SKI: variants seen among roughly 807,000 people sequenced by gnomAD.
SKI encodes the protein SKI proto-oncogene.
Under a neutral mutation model 59.3 loss-of-function variants are expected in SKI, and 23 were observed. The observed-to-expected ratio is 0.39, with a 90% CI of 0.28 to 0.55. The LOEUF (loss-of-function observed/expected upper bound fraction) is 0.55, where lower values mean the gene tolerates loss of function less well. SKI is among the 20% of genes least tolerant of loss of function. The pLI is 0.67. For missense variants in SKI, 1,017 were observed against 1,038.9 expected, an observed-to-expected ratio of 0.98 and a Z score of 0.29; for synonymous variants, 673 against 488.6, an observed-to-expected ratio of 1.38 and a Z score of -4.98.
chr1:2,306,110 C>A lies in SKI; in HGVS notation c.1858C>A (p.Arg620Ser). 6.3e-7 allele frequency: 1 copy of A among 1,599,382 alleles called. No individual in the cohort carries two copies. The highest frequency in any genetic ancestry group is 2.3e-5 in the East Asian group (1 of 44,274). ...RNLRKEIERL[R>S]AENEKKMKEA... ...CCTGCGGAAGGAGATCGAGCGTCTC[C>A]GCGCCGAGAACGAGAAGAAGATGAA... The change falls in exon 6 of 7, where the codon CGC (arginine) becomes AGC (serine). Residue 620 changes from arginine (R) to serine (S), a missense_variant. By Grantham distance (110) the Arg-to-Ser change is moderately radical. Coordinates refer to ENST00000378536, the MANE Select transcript of SKI (RefSeq NM_003036.4).
rs1638570161 is a variant in SKI at position 2,229,045 on chromosome 1, G to A, written c.279G>A (p.Pro93=). 1 of 1,603,720 alleles carries A rather than the reference G, an allele frequency of 6.2e-7. No homozygotes were observed. The highest frequency in any genetic ancestry group is 8.5e-7 in the Non-Finnish European group (1 of 1,179,316). The part of the protein sequence containing the change: ...PPVLPGPFFM[P]SDRSTERCET... ...TGCTGCCCGGGCCCTTCTTCATGCC[G>A]TCCGACCGCTCCACCGAGCGCTGCG... Residue 93 remains proline, a synonymous_variant, in exon 1 of 7, where the codon CCG becomes CCA. Transcript: ENST00000378536. This position sits in a 1 kb window ranked among gnomAD's most constrained non-coding sequence, Gnocchi z 6.3.
intron 1 of SKI, among the ~76,000 whole-genome samples, chr1:2,231,358 G>A (rs531533148): frequency 9.8e-4 from 150 of 152,310 alleles, no homozygotes; most frequent in African/African-American, 3.5e-3. Context: ...GTGTGTCTGC[G>A]TTTGTTTTTG....
chr1:2,229,135 G>A lies in SKI; in HGVS notation c.369G>A (p.Leu123=). Residue 123 remains leucine, a synonymous_variant, in exon 1 of 7, where the codon CTG becomes CTA. Transcript: ENST00000378536. This position sits in a 1 kb window ranked among gnomAD's most constrained non-coding sequence, Gnocchi z 6.3. Reference sequence around the variant, plus strand: ...TGGGAGGCGAGAAGCGCCTGTGTCTGCCGCAGATTCTCAACTCGGTGCTGC... The same window carrying A: ...TGGGAGGCGAGAAGCGCCTGTGTCTACCGCAGATTCTCAACTCGGTGCTGC... ...FVVGGEKRLC[L]PQILNSVLRD... 6.2e-7 allele frequency: 1 copy of A among 1,611,438 alleles called. No individual in the cohort carries two copies. The highest frequency in any genetic ancestry group is 2.2e-5 in the East Asian group (1 of 44,858).
intron 1 of SKI, among the ~76,000 whole-genome samples, chr1:2,287,616 G>A (rs1296000988): frequency 1.3e-5 from 2 of 152,218 alleles, no homozygotes; most frequent in Non-Finnish European, 2.9e-5. Flanking sequence ...TGCTCTGCCT[G>A]TGGGTGGGGG....
chr1:2,270,188 G>A lies in SKI; in HGVS notation c.970-32790G>A, dbSNP rs910837406. Among the ~76,000 whole-genome samples, 1 of 152,218 alleles carries A rather than the reference G, an allele frequency of 6.6e-6. No homozygotes were observed. The highest frequency in any genetic ancestry group is 2.4e-5 in the African/African-American group (1 of 41,458). On this transcript the variant is annotated intron_variant, in intron 1 of 6. Coordinates refer to ENST00000378536, the MANE Select transcript of SKI (RefSeq NM_003036.4). The surrounding 1 kb of genome is among the most constrained non-coding windows in gnomAD (Gnocchi z 4.1). ...ACCTTGCTGCAAGAGAGGGACAGAG[G>A]TCATCTGTCTACGAGCTAGAGCAAG...
In SKI at chr1:2,308,505, GGTAGAT is replaced by G. The variant is rs746027892; in HGVS notation, c.*1741_*1746del. 1.3e-5 allele frequency: 2 copies of G among 152,218 alleles called. No homozygotes were observed. The highest frequency in any genetic ancestry group is 4.8e-5 in the African/African-American group (2 of 41,438). The allele number at this position is 152,218 out of a possible 1,614,324, so 9.4% of individuals were successfully genotyped here. On this transcript the variant is annotated 3_prime_UTR_variant, in exon 7 of 7. Transcript: ENST00000378536. ...GCATGGATTCCACACCTCTGCCGTAGGTAGATCCGTCAGCGGGCATTATTACCGTGT... is the reference window on the plus strand; with the variant it reads ...GCATGGATTCCACACCTCTGCCGTAGCCGTCAGCGGGCATTATTACCGTGT...
At chr1:2,306,380 GC>G (rs1053806138) in intron 6 of SKI, 130 bp downstream of exon 6, 34 of 1,038,602 alleles carry the variant, frequency 3.3e-5, no homozygotes, top group Non-Finnish European at 4.1e-5. Flanking sequence ...TTCCGTGCGT[GC>G]CCCCCCGACG....
chr1:2,305,939 G>A (rs550414096), intron 5 of SKI, 81 bp from the exon 6 acceptor site: 1 of 1,092,808 alleles, frequency 9.2e-7, no homozygotes, highest in Admixed American at 2.0e-5. Context: ...ACCCCACGGG[G>A]TGGGCTGAGG....
At position 2,303,668 on chromosome 1, in the gene SKI, C is replaced by CTG. The variant is rs1640484084; in HGVS notation, c.1212-172_1212-171insTG. On this transcript the variant is annotated intron_variant, in intron 3 of 6. Transcript: ENST00000378536. The surrounding 1 kb of genome is among the most constrained non-coding windows in gnomAD (Gnocchi z 5.6). ...CCTGTGTCTGGCCTTCGCAAGAGAC[C>CTG]CAGCAAGCAGAAAACGCTTACGGGT... 6 of 934,540 alleles carry CTG rather than the reference C, an allele frequency of 6.4e-6. No homozygotes were observed. In the East Asian group the frequency reaches 1.6e-4, roughly 25 times the overall value. 57.9% of individuals were successfully genotyped at this position (934,540 alleles called of 1,614,324 possible).
In SKI at chr1:2,307,600, CG is replaced by C. The variant is rs1640627993; in HGVS notation, c.*838del. On this transcript the variant is annotated 3_prime_UTR_variant, in exon 7 of 7. Coordinates refer to ENST00000378536, the MANE Select transcript of SKI (RefSeq NM_003036.4). ...CCTCCGGGCACACGTGCCGCCTGAC[CG>C]GGCGACCCTTTTCAGTTCGGCAAAC... The C allele has an allele frequency of 6.6e-6, 1 of 152,516 alleles. No individual in the cohort carries two copies. The highest frequency in any genetic ancestry group is 1.5e-5 in the Non-Finnish European group (1 of 68,052). The allele number at this position is 152,516 out of a possible 1,614,324, so 9.4% of individuals were successfully genotyped here.
At chr1:2,249,316 G>C (rs1390561563) in intron 1 of SKI, among the ~76,000 whole-genome samples, 1 of 152,242 alleles carries the variant, frequency 6.6e-6, no homozygotes, top group African/African-American at 2.4e-5. Flanking sequence ...AGGGTCCAGC[G>C]TGCAGGCCGG....
At chr1:2,300,046 A>T (rs1225562401) in intron 1 of SKI, among the ~76,000 whole-genome samples, 1 of 152,170 alleles carries the variant, frequency 6.6e-6, no homozygotes, top group Non-Finnish European at 1.5e-5. Flanking sequence ...TAGGGTGTCC[A>T]CAGTCTTGGG....
In SKI at chr1:2,304,591, C is replaced by T. The variant is rs780191562; in HGVS notation, c.1767+6C>T. The T allele has an allele frequency of 1.2e-5, 18 of 1,546,060 alleles. No individual in the cohort carries two copies. The highest frequency in any genetic ancestry group is 1.7e-4 in the Middle Eastern group (1 of 5,832). ...CCAAGCGCAGCCTCCACCAGGTGAGCGGGGCGAGTGGTGCTGGGAGGTCCA... is the reference window on the plus strand; with the variant it reads ...CCAAGCGCAGCCTCCACCAGGTGAGTGGGGCGAGTGGTGCTGGGAGGTCCA... On this transcript the variant is annotated splice_donor_region_variant and intron_variant, in intron 5 of 6. Coordinates refer to ENST00000378536, the MANE Select transcript of SKI (RefSeq NM_003036.4).
At position 2,309,476 on chromosome 1, in the gene SKI, C is replaced by T. The variant is rs562464926; in HGVS notation, c.*2711C>T. The stretch of plus-strand genomic sequence containing the variant: ...CTGTAAATACTTTTTCCTTTTTCAC[C>T]GTTGTATTATACATGTATATGCTGG... On this transcript the variant is annotated 3_prime_UTR_variant, in exon 7 of 7. Coordinates refer to ENST00000378536, the MANE Select transcript of SKI (RefSeq NM_003036.4). The T allele has an allele frequency of 1.7e-4, 26 of 152,174 alleles. No individual in the cohort carries two copies. Among genetic ancestry groups the T allele is most frequent in the African/African-American group, 5.8e-4 (24 of 41,500 alleles). The allele number at this position is 152,174 out of a possible 1,614,324, so 9.4% of individuals were successfully genotyped here.
intron 1 of SKI, among the ~76,000 whole-genome samples, chr1:2,283,765 C>G (rs563974159): frequency 6.6e-6 from 1 of 152,198 alleles, no homozygotes; most frequent in Non-Finnish European, 1.5e-5. Context: ...CGAAGCTGCC[C>G]CAAGGGTACG....
intron 1 of SKI, among the ~76,000 whole-genome samples, chr1:2,252,129 G>C (rs533484142): frequency 6.6e-6 from 1 of 152,360 alleles, no homozygotes; most frequent in South Asian, 2.1e-4. Context: ...AGGAGGAACC[G>C]AGGGCAGGTA....
intron 1 of SKI, among the ~76,000 whole-genome samples, chr1:2,284,734 C>G (rs1639996367): frequency 6.6e-6 from 1 of 152,124 alleles, no homozygotes; most frequent in Admixed American, 6.5e-5. Context: ...GGGCTCCAGG[C>G]AGGGAAGAGT....
rs1639590493 is a variant in SKI, at chr1:2,270,371, C to G, written c.970-32607C>G. On this transcript the variant is annotated intron_variant, in intron 1 of 6. Transcript: ENST00000378536. This position sits in a 1 kb window ranked among gnomAD's most constrained non-coding sequence, Gnocchi z 4.1. ...GAGGCAGCCGTTGGACAGTGCCCAT[C>G]TTGAATGCAGCCCTGGTGACCTGAA... is the stretch of plus-strand genomic sequence containing the variant. 6.6e-6 allele frequency among the ~76,000 whole-genome samples: 1 copy of G among 152,214 alleles called. No individual in the cohort carries two copies. The highest frequency in any genetic ancestry group is 6.5e-5 in the Admixed American group (1 of 15,280).
At chr1:2,245,045 C>T (rs1569706228) in intron 1 of SKI, among the ~76,000 whole-genome samples, 1 of 152,164 alleles carries the variant, frequency 6.6e-6, no homozygotes, top group South Asian at 2.1e-4. Flanking sequence ...GCTGTTCACC[C>T]ACCTTCCCAG....
Sources: allele counts gnomAD v4.1 joint callset (sites outside exome capture counted in the v4.1 genomes callset), GRCh38; gene constraint gnomAD v4.1.1; non-coding constraint Gnocchi (gnomAD v3.1); transcripts MANE v1.5; gene names NCBI Gene and HGNC (gene_info 2026-07-23, HGNC 2026-07-21).